The following FHAD1 variants were observed in gnomAD, a reference collection of about 807,000 sequenced individuals.
FHAD1 encodes forkhead associated phosphopeptide binding domain 1.
Under a neutral mutation model 191.3 loss-of-function variants are expected in FHAD1, and 146 were observed. The observed-to-expected ratio is 0.76, with a 90% confidence interval of 0.67 to 0.88. FHAD1 has a LOEUF of 0.88. Ranked by LOEUF, FHAD1 falls within the 40% of genes least tolerant of loss-of-function variation. FHAD1 has a pLI of 0.00. For missense variants in FHAD1, 1,635 were observed against 1,785.8 expected (o/e 0.92, Z 1.52); for synonymous variants, 616 against 672.3 (o/e 0.92, Z 1.29).
In FHAD1 at chr1:15,316,725, G is replaced by A. The variant is rs1177172144; in HGVS notation, c.1260+258G>A. On this transcript the variant is annotated intron_variant, in intron 9 of 33. Transcript: ENST00000688493. The surrounding 1 kb of genome is among the most constrained non-coding windows in gnomAD (Gnocchi z 4.3). ...GGGCCAGGTTGGGGTTGAGACCGGG[G>A]ACAGGGACAGGAGGCTGGCCAGCTG... Among the ~76,000 whole-genome samples, 1 of 152,156 alleles carries A rather than the reference G, an allele frequency of 6.6e-6. No individual in the cohort carries two copies. The highest frequency in any genetic ancestry group is 1.5e-5 in the Non-Finnish European group (1 of 68,014).
rs539179804 is a variant in FHAD1 at position 15,347,128 on chromosome 1, G to C, written c.2346+1605G>C. ...TTCTCCCTTGGCGTCTCTGGCACAG[G>C]TGTGCCCTGCAGCCCTCTCACAGAG... On this transcript the variant is annotated intron_variant, in intron 18 of 33. Coordinates refer to ENST00000688493, the MANE Select transcript of FHAD1 (RefSeq NM_001391957.1). Among the ~76,000 whole-genome samples, 3 of 152,344 alleles carry C rather than the reference G, an allele frequency of 2.0e-5. No homozygotes were observed. The East Asian group carries it at 5.8e-4, about 29-fold the overall frequency.
chr1:15,357,866 C>T, intron 20 of FHAD1: 1 of 405,912 alleles, frequency 2.5e-6, no homozygotes, highest in Non-Finnish European at 4.3e-6. Flanking sequence ...ACTCAATGAG[C>T]TCCAGGTGAC....
intron 1 of FHAD1, among the ~76,000 whole-genome samples, chr1:15,241,618 C>G (rs1190527668): frequency 6.6e-6 from 1 of 151,960 alleles, no homozygotes; most frequent in African/African-American, 2.4e-5. Context: ...GCACTCTACC[C>G]TGGGTGATAA....
intron 13 of FHAD1, chr1:15,328,726 T>C: frequency 3.9e-6 from 1 of 254,270 alleles, no homozygotes; most frequent in Non-Finnish European, 7.4e-6. Context: ...CTATGTTATT[T>C]CCAGAGAAAC....
At chr1:15,364,010 G>C (rs1695633876) in intron 23 of FHAD1, 1 of 322,292 alleles carries the variant, frequency 3.1e-6, no homozygotes, top group South Asian at 2.6e-5. Context: ...TCCTCCTCCT[G>C]TTTAAAATCT....
At chr1:15,322,518 C>G (rs183617427) in intron 10 of FHAD1, among the ~76,000 whole-genome samples, 1 of 152,320 alleles carries the variant, frequency 6.6e-6, no homozygotes, top group Non-Finnish European at 1.5e-5. Context: ...CCAGGCCTGT[C>G]TGACTCCAGT....
At chr1:15,330,415 A>C (rs988896687) in intron 14 of FHAD1, among the ~76,000 whole-genome samples, 2 of 151,806 alleles carry the variant, frequency 1.3e-5, no homozygotes, top group Non-Finnish European at 2.9e-5. Context: ...GAATCAGGTC[A>C]TGGGTATATG....
In FHAD1 at chr1:15,312,966, G is replaced by A. The variant is rs1406622877; in HGVS notation, c.1040-91G>A. Reference sequence around the variant, plus strand: ...ATCCTTGGAGACACCTCCCTTCTCAGTGCCAGGCTCGTCACAAACTGGTTG... The same window carrying A: ...ATCCTTGGAGACACCTCCCTTCTCAATGCCAGGCTCGTCACAAACTGGTTG... On this transcript the variant is annotated intron_variant, in intron 7 of 33. Transcript: ENST00000688493. This position sits in a 1 kb window ranked among gnomAD's most constrained non-coding sequence, Gnocchi z 4.7. The A allele has an allele frequency of 2.7e-6, 4 of 1,493,262 alleles. No homozygotes were observed. The highest frequency in any genetic ancestry group is 2.5e-5 in the East Asian group (1 of 40,490). The allele number at this position is 1,493,262 out of a possible 1,614,324, so 92.5% of individuals were successfully genotyped here.
intron 1 of FHAD1, among the ~76,000 whole-genome samples, chr1:15,240,381 C>T (rs1296917926): frequency 1.3e-5 from 2 of 152,160 alleles, no homozygotes; most frequent in African/African-American, 4.8e-5. Context: ...GTAATCTCAG[C>T]ACTTTGGTAG....
chr1:15,279,851 C>G (rs1227524271), intron 3 of FHAD1, among the ~76,000 whole-genome samples: 1 of 152,028 alleles, frequency 6.6e-6, no homozygotes, highest in Admixed American at 6.5e-5. Context: ...GTGTCTCCCC[C>G]ACACCCATGC....
intron 2 of FHAD1, 52 bp downstream of exon 2, chr1:15,251,929 C>G: frequency 7.0e-7 from 1 of 1,438,314 alleles, no homozygotes; most frequent in South Asian, 1.3e-5. Context: ...CTTCCTTCTC[C>G]CTCTCTAACA....
At position 15,296,760 on chromosome 1, in the gene FHAD1, T is replaced by A; in HGVS notation, c.645T>A (p.Ile215=). 2 of 1,551,626 alleles carry A rather than the reference T, an allele frequency of 1.3e-6. No individual in the cohort carries two copies. Among genetic ancestry groups the A allele is most frequent in the East Asian group, 2.4e-5 (1 of 40,892 alleles). Residue 215 remains isoleucine, a synonymous_variant, in exon 5 of 34, where the codon ATT becomes ATA. Transcript: ENST00000688493. ...CTGGGGCAGTTCCCCCTGCGGAGAT[T>A]TATGTGGAGGAGGACTTGGCCCAGC... ...GIPGAVPPAE[I]YVEEDLAQQD... is the part of the protein sequence containing the mutation.
chr1:15,301,903 T>G (rs367954687), intron 6 of FHAD1, among the ~76,000 whole-genome samples: 3 of 152,304 alleles, frequency 2.0e-5, no homozygotes, highest in Admixed American at 6.5e-5. Flanking sequence ...GGTGCATGCC[T>G]GTAATCCCAA....
At chr1:15,288,336 G>A (rs1663235369) in intron 3 of FHAD1, among the ~76,000 whole-genome samples, 1 of 152,260 alleles carries the variant, frequency 6.6e-6, no homozygotes, top group Non-Finnish European at 1.5e-5. Context: ...AAAGCCAGGT[G>A]TCAGCACCAC....
In FHAD1 at chr1:15,381,888, G is replaced by A. The variant is rs75360318; in HGVS notation, c.4023-140G>A. ...TCTGCTCTCTGTACCCCAAATCTTC[G>A]TCATGCTCTCCTGCTTGTGATGACA... is the stretch of plus-strand genomic sequence containing the variant. On this transcript the variant is annotated intron_variant, in intron 30 of 33. Coordinates refer to ENST00000688493, the MANE Select transcript of FHAD1 (RefSeq NM_001391957.1). This position sits in a 1 kb window ranked among gnomAD's most constrained non-coding sequence, Gnocchi z 4.6. 0.011 allele frequency: 9,493 copies of A among 898,712 alleles called. 639 individuals are homozygous for A. The African/African-American group carries it at 0.14, about 13-fold the overall frequency. The allele number at this position is 898,712 out of a possible 1,614,324, so 55.7% of individuals were successfully genotyped here. A position where few individuals can be genotyped will look rare whatever the true frequency, so the allele number is the denominator to read the frequency against.
intron 6 of FHAD1, among the ~76,000 whole-genome samples, chr1:15,302,666 C>A (rs1669194181): frequency 6.8e-6 from 1 of 147,138 alleles, no homozygotes; most frequent in South Asian, 2.1e-4. Flanking sequence ...TTGCAGTGAG[C>A]CAAGATAGCA....
At chr1:15,379,047 G>A (rs1396861947) in intron 28 of FHAD1, among the ~76,000 whole-genome samples, 1 of 152,146 alleles carries the variant, frequency 6.6e-6, no homozygotes, top group Non-Finnish European at 1.5e-5. Flanking sequence ...CCACACCTGT[G>A]GGTGTTTCTC....
At chr1:15,352,145 T>G (rs77412206) in intron 19 of FHAD1, among the ~76,000 whole-genome samples, 3,213 of 152,332 alleles carry the variant, frequency 0.021, 121 homozygotes, top group African/African-American at 0.072. Flanking sequence ...TACATTTCAG[T>G]ACATACCCCT....
intron 33 of FHAD1, among the ~76,000 whole-genome samples, chr1:15,396,665 C>A (rs931820878): frequency 5.3e-5 from 8 of 151,796 alleles, no homozygotes; most frequent in Admixed American, 1.3e-4. Flanking sequence ...CAAAAATTAG[C>A]CGGGTGTGGC....
Sources: allele counts gnomAD v4.1 joint callset (sites outside exome capture counted in the v4.1 genomes callset), GRCh38; gene constraint gnomAD v4.1.1; non-coding constraint Gnocchi (gnomAD v3.1); transcripts MANE v1.5; gene names NCBI Gene and HGNC (gene_info 2026-07-23, HGNC 2026-07-21).